The following SATB2 variants were observed in gnomAD, a reference collection of about 807,000 sequenced individuals.
The protein encoded by SATB2 is DNA-binding protein SATB2.
Under a neutral mutation model 73.4 loss-of-function variants are expected in SATB2, and 1 was observed. The observed-to-expected ratio is 0.01, with a 90% CI of 0.00 to 0.06. SATB2 has a LOEUF of 0.06. SATB2 is among the 10% of genes least tolerant of loss of function. The pLI, the probability that SATB2 is intolerant of heterozygous loss-of-function variation, is 1.00. For synonymous variants in SATB2, 397 were observed against 367.0 expected (o/e 1.08, Z -0.93); for missense variants, 459 against 945.8 (o/e 0.49, Z 6.75).
intron 5 of SATB2, among the ~76,000 whole-genome samples, chr2:199,379,622 C>T (rs77119784): frequency 0.029 from 4,354 of 151,668 alleles, 235 homozygotes; most frequent in African/African-American, 0.1. Context: ...TCCCTATCTC[C>T]GATGAAATAT....
intron 3 of SATB2, among the ~76,000 whole-genome samples, chr2:199,383,319 G>A (rs951901297): frequency 2.0e-5 from 3 of 152,122 alleles, no homozygotes; most frequent in African/African-American, 2.4e-5. Flanking sequence ...AATGAAAAGT[G>A]CACAGCACAC....
chr2:199,317,380 G>A (rs1281110517), intron 9 of SATB2, among the ~76,000 whole-genome samples: 1 of 152,008 alleles, frequency 6.6e-6, no homozygotes, highest in Admixed American at 6.6e-5. Context: ...CTAACCAGCT[G>A]GGGAGAAATC....
At chr2:199,399,597 C>T (rs1307511098) in intron 3 of SATB2, among the ~76,000 whole-genome samples, 1 of 152,210 alleles carries the variant, frequency 6.6e-6, no homozygotes, top group Non-Finnish European at 1.5e-5. Flanking sequence ...CACGGTTCCA[C>T]AGACTGTACA....
chr2:199,454,685 CTAAG>C (rs1692222781), intron 2 of SATB2, among the ~76,000 whole-genome samples: 2 of 151,902 alleles, frequency 1.3e-5, no homozygotes, highest in South Asian at 4.2e-4. Context: ...ACAAACCATC[CTAAG>C]TATTTACCAT....
chr2:199,431,802 GCTAA>G (rs1304772614), intron 3 of SATB2, among the ~76,000 whole-genome samples: 6 of 152,200 alleles, frequency 3.9e-5, no homozygotes, highest in Admixed American at 1.3e-4. Context: ...GAACGGCTGT[GCTAA>G]CTGAGATGGA....
At chr2:199,331,684 T>A (rs1471656711) in intron 7 of SATB2, among the ~76,000 whole-genome samples, 4 of 152,096 alleles carry the variant, frequency 2.6e-5, no homozygotes, top group Non-Finnish European at 5.9e-5. Context: ...TAAATTGGGA[T>A]TTTTTAAAAA....
At chr2:199,371,399 G>A (rs1326887444) in intron 5 of SATB2, among the ~76,000 whole-genome samples, 1 of 151,968 alleles carries the variant, frequency 6.6e-6, no homozygotes, top group Non-Finnish European at 1.5e-5. Flanking sequence ...AACCCAGCAT[G>A]TGCTATTACT....
intron 5 of SATB2, among the ~76,000 whole-genome samples, chr2:199,378,868 G>C (rs888332073): frequency 7.2e-5 from 11 of 152,162 alleles, no homozygotes; most frequent in Non-Finnish European, 1.0e-4. Context: ...TAAAGGTAAG[G>C]TTATAGAGGC....
At chr2:199,367,216 T>G (rs1021412847) in intron 6 of SATB2, among the ~76,000 whole-genome samples, 1 of 152,158 alleles carries the variant, frequency 6.6e-6, no homozygotes, top group Admixed American at 6.5e-5. Flanking sequence ...TGTCTTATAA[T>G]GAGAAGGGGT....
intron 5 of SATB2, among the ~76,000 whole-genome samples, chr2:199,376,343 C>T (rs190780738): frequency 1.3e-5 from 2 of 152,310 alleles, no homozygotes; most frequent in Admixed American, 1.3e-4. Flanking sequence ...TAAAACTTTA[C>T]ATACTAATAA....
At chr2:199,333,505 G>T (rs966779184) in intron 7 of SATB2, among the ~76,000 whole-genome samples, 6 of 152,060 alleles carry the variant, frequency 3.9e-5, no homozygotes, top group Non-Finnish European at 7.4e-5. Context: ...GTGAAGCTGG[G>T]GAGTATTAGA....
intron 2 of SATB2, among the ~76,000 whole-genome samples, chr2:199,443,096 C>T (rs1050255121): frequency 2.7e-5 from 4 of 150,852 alleles, no homozygotes; most frequent in African/African-American, 9.8e-5. Context: ...ATTCACCTCC[C>T]CACCTTATTC....
At chr2:199,379,461 A>C (rs1317751285) in intron 5 of SATB2, among the ~76,000 whole-genome samples, 1 of 152,122 alleles carries the variant, frequency 6.6e-6, no homozygotes, top group Non-Finnish European at 1.5e-5. Flanking sequence ...CCAGCTGACC[A>C]AATAAAACAA....
intron 8 of SATB2, among the ~76,000 whole-genome samples, chr2:199,326,458 C>T (rs2105792261): frequency 6.6e-6 from 1 of 152,162 alleles, no homozygotes; most frequent in South Asian, 2.1e-4. Flanking sequence ...AACTGTGGGG[C>T]CTTGTAAGTC....
chr2:199,378,260 G>A (rs1689661742), intron 5 of SATB2, among the ~76,000 whole-genome samples: 1 of 152,084 alleles, frequency 6.6e-6, no homozygotes, highest in Non-Finnish European at 1.5e-5. Flanking sequence ...CAGAAGCCCT[G>A]GATAAATTTC....
At chr2:199,343,725 G>T (rs937860979) in intron 7 of SATB2, among the ~76,000 whole-genome samples, 3 of 152,138 alleles carry the variant, frequency 2.0e-5, no homozygotes, top group African/African-American at 4.8e-5. Context: ...ATTTTAAAAG[G>T]AAATACTCAT....
Position 199,357,806 on chromosome 2 carries a change from C to A in SATB2, c.701-8633G>T, listed in dbSNP as rs929159726. Among the ~76,000 whole-genome samples, 4 of 152,032 alleles carry A rather than the reference C, an allele frequency of 2.6e-5. No individual in the cohort carries two copies. In the East Asian group the frequency reaches 7.7e-4, roughly 29 times the overall value. On this transcript the variant is annotated intron_variant, in intron 6 of 10. Coordinates refer to ENST00000417098, the MANE Select transcript of SATB2 (RefSeq NM_001172509.2). The stretch of plus-strand genomic sequence containing the variant: ...TGAGTGTCATCAGCATGGACTCCCA[C>A]CTGACTGATGAAAGATATGAATCAC...
At chr2:199,425,049 A>G (rs537648928) in intron 3 of SATB2, among the ~76,000 whole-genome samples, 47 of 152,358 alleles carry the variant, frequency 3.1e-4, no homozygotes, top group African/African-American at 1.1e-3. Flanking sequence ...TTTAAAATCT[A>G]TAAGTTAGTA....
At chr2:199,301,338 C>T (rs1687284566) in intron 10 of SATB2, among the ~76,000 whole-genome samples, 1 of 152,036 alleles carries the variant, frequency 6.6e-6, no homozygotes, top group Admixed American at 6.5e-5. Flanking sequence ...TTAATCATAC[C>T]TGTATTCTTC....
Sources: gnomAD v4.1 joint callset for allele counts (sites outside exome capture counted in the v4.1 genomes callset) on GRCh38, gnomAD v4.1.1 for gene constraint, MANE v1.5 for transcripts, NCBI Gene and HGNC (gene_info 2026-07-23, HGNC 2026-07-21) for gene names.